SEM1: variants seen among roughly 807,000 people sequenced by gnomAD.
The protein encoded by SEM1 is 26S proteasome complex subunit SEM1.
SEM1 carries 3 observed loss-of-function variants against 12.7 expected under a neutral mutation model. The observed-to-expected ratio is 0.24, with a 90% confidence interval of 0.11 to 0.61. The LOEUF is 0.61. SEM1 is among the 20% of genes least tolerant of loss of function. SEM1 has a pLI of 0.88. For synonymous variants in SEM1, 30 were observed against 27.8 expected (o/e 1.08, Z -0.25); for missense variants, 59 against 81.3 (o/e 0.73, Z 1.06).
At position 96,615,239 on chromosome 7, in the gene SEM1, A is replaced by ATTT. The variant is rs1421596853; in HGVS notation, c.170+79558_170+79559insAAA. ...GGACTGTTGGGTTATTTTTTGAGTC[A>ATTT]TCTTTTTTTTTTTTTTTTTTTTTTT... is the stretch of plus-strand genomic sequence containing the variant. On this transcript the variant is annotated intron_variant and NMD_transcript_variant, in intron 2 of 3. Coordinates refer to the SEM1 transcript ENST00000466986. Among the ~76,000 whole-genome samples the ATTT allele has an allele frequency of 3.1e-3, 303 of 98,076 alleles. 67 individuals are homozygous for ATTT. The highest frequency in any genetic ancestry group is 0.014 in the East Asian group (37 of 2,708). The allele number at this position is 98,076 out of a possible 152,430, so 64.3% of individuals were successfully genotyped here.
intron 2 of SEM1, among the ~76,000 whole-genome samples, chr7:96,577,111 CTG>C (rs1183246891): frequency 1.1e-4 from 3 of 27,594 alleles, no homozygotes; most frequent in Admixed American, 4.5e-4. Flanking sequence ...GAGCAAAACT[CTG>C]TCAAAAAAAA....
rs528577375 is a variant in SEM1 at position 96,632,527 on chromosome 7, G to T, written c.171-9884C>A. ...ATGAGAACGCATGGATACAGGGAGG[G>T]GAACATCACACACTGGGGCCTGTCA... On this transcript the variant is annotated intron_variant, in intron 2 of 2. Transcript: ENST00000417009. Among the ~76,000 whole-genome samples the T allele has an allele frequency of 5.1e-4, 77 of 152,080 alleles. 1 individual carries two copies. The highest frequency in any genetic ancestry group is 1.8e-3 in the African/African-American group (75 of 41,478).
intron 2 of SEM1, among the ~76,000 whole-genome samples, chr7:96,578,132 G>A (rs1806266194): frequency 6.6e-6 from 1 of 152,036 alleles, no homozygotes; most frequent in Non-Finnish European, 1.5e-5. Context: ...GAACATGGAG[G>A]CTAAGTCTAA....
At chr7:96,539,755 C>T (rs952468099) in intron 2 of SEM1, among the ~76,000 whole-genome samples, 3 of 151,614 alleles carry the variant, frequency 2.0e-5, no homozygotes, top group Non-Finnish European at 2.9e-5. Flanking sequence ...CAGACCAGGG[C>T]CTGTTTCATG....
intron 2 of SEM1, among the ~76,000 whole-genome samples, chr7:96,589,278 A>G (rs1226198381): frequency 6.6e-6 from 1 of 152,100 alleles, no homozygotes; most frequent in African/African-American, 2.4e-5. Flanking sequence ...CAGGCCCTCC[A>G]GGTGGTTCTG....
At chr7:96,664,611 AT>A (rs1789117034) in intron 2 of SEM1, among the ~76,000 whole-genome samples, 1 of 152,148 alleles carries the variant, frequency 6.6e-6, no homozygotes, top group Non-Finnish European at 1.5e-5. Flanking sequence ...CCATCTGCAC[AT>A]TCATTTTTGG....
chr7:96,550,785 T>C (rs1374348650), intron 2 of SEM1, among the ~76,000 whole-genome samples: 4 of 152,130 alleles, frequency 2.6e-5, no homozygotes, highest in Non-Finnish European at 5.9e-5. Context: ...TGTACAGCAG[T>C]CTGAGGAGTG....
At chr7:96,534,030 G>A (rs1031507639) in intron 2 of SEM1, among the ~76,000 whole-genome samples, 34 of 152,174 alleles carry the variant, frequency 2.2e-4, no homozygotes, top group African/African-American at 7.9e-4. Context: ...GCTTACTCAA[G>A]TACAATATAC....
At chr7:96,708,132 A>G (rs1254481187) in intron 1 of SEM1, 1 of 152,218 alleles carries the variant, frequency 6.6e-6, no homozygotes, top group Non-Finnish European at 1.5e-5. Context: ...AAGTTTGAGT[A>G]AGAAGTAGAT....
chr7:96,615,379 A>C (rs1208786013), intron 2 of SEM1, among the ~76,000 whole-genome samples: 1 of 151,444 alleles, frequency 6.6e-6, no homozygotes, highest in African/African-American at 2.4e-5. Context: ...CAGCCTCCTG[A>C]GTAATCCTGG....
chr7:96,694,102 A>G (rs1451946014), intron 2 of SEM1, among the ~76,000 whole-genome samples: 3 of 151,988 alleles, frequency 2.0e-5, no homozygotes, highest in Admixed American at 2.0e-4. Flanking sequence ...GCAAGGTCAC[A>G]ATATTGTATG....
chr7:96,555,980 A>G (rs995384314), intron 2 of SEM1, among the ~76,000 whole-genome samples: 2 of 121,788 alleles, frequency 1.6e-5, no homozygotes, highest in African/African-American at 2.8e-5. Context: ...TTGCTGGTTT[A>G]AAGTCTGTTT....
intron 2 of SEM1, among the ~76,000 whole-genome samples, chr7:96,565,783 C>A: frequency 6.6e-6 from 1 of 151,828 alleles, no homozygotes; most frequent in East Asian, 1.9e-4. Context: ...CAAGTTGCTT[C>A]CTATCTCTAT....
chr7:96,587,168 T>C (rs1806666767), intron 2 of SEM1, among the ~76,000 whole-genome samples: 1 of 152,220 alleles, frequency 6.6e-6, no homozygotes, highest in Admixed American at 6.5e-5. Flanking sequence ...AAGAGATTTT[T>C]TTAAAAATAG....
chr7:96,500,345 C>A (rs1803479548), upstream of SEM1, among the ~76,000 whole-genome samples: 1 of 151,972 alleles, frequency 6.6e-6, no homozygotes, highest in Non-Finnish European at 1.5e-5. Flanking sequence ...AGAACAGCAA[C>A]CTGTGAAAAT....
At chr7:96,609,918 TG>T (rs1368077412) in intron 2 of SEM1, among the ~76,000 whole-genome samples, 1 of 152,218 alleles carries the variant, frequency 6.6e-6, no homozygotes, top group Non-Finnish European at 1.5e-5. Flanking sequence ...ATGGTTCAGA[TG>T]GAAGAATCTG....
intron 3 of SEM1, among the ~76,000 whole-genome samples, chr7:96,504,118 T>A (rs938730262): frequency 2.6e-5 from 4 of 152,168 alleles, no homozygotes; most frequent in African/African-American, 7.2e-5. Flanking sequence ...ATGGAGAATA[T>A]CTTGAGTACA....
At chr7:96,592,012 A>G (rs570978216) in intron 2 of SEM1, among the ~76,000 whole-genome samples, 2 of 152,158 alleles carry the variant, frequency 1.3e-5, no homozygotes, top group East Asian at 3.9e-4. Context: ...TTGAGCCTTT[A>G]AAGAGGGAAA....
chr7:96,529,786 T>C (rs1163046947), intron 2 of SEM1, among the ~76,000 whole-genome samples: 1 of 152,132 alleles, frequency 6.6e-6, no homozygotes, highest in Admixed American at 6.6e-5. Flanking sequence ...TTTTCATGTA[T>C]AGTAACTGTG....
Sources: gnomAD v4.1 joint callset for allele counts (sites outside exome capture counted in the v4.1 genomes callset) on GRCh38, gnomAD v4.1.1 for gene constraint, MANE v1.5 for transcripts, NCBI Gene and HGNC (gene_info 2026-07-23, HGNC 2026-07-21) for gene names.